CCSER1: variants seen among roughly 807,000 people sequenced by gnomAD.
CCSER1 encodes coiled-coil serine rich protein 1.
A neutral mutation model predicts 82.0 loss-of-function variants in CCSER1; 41 were observed. The observed-to-expected ratio is 0.50, with a 90% CI of 0.39 to 0.65. The LOEUF is 0.65. Among genes scored for constraint, CCSER1 ranks in the 30% least tolerant of loss-of-function variants. CCSER1 has a pLI of 0.00. For synonymous variants in CCSER1, 414 were observed against 383.9 expected, an observed-to-expected ratio of 1.08 and a Z score of -0.92; for missense variants, 1,119 against 1,064.2, an observed-to-expected ratio of 1.05 and a Z score of -0.72.
At chr4:90,823,860 A>T (rs1379102668) in intron 8 of CCSER1, among the ~76,000 whole-genome samples, 1 of 151,864 alleles carries the variant, frequency 6.6e-6, no homozygotes, top group Non-Finnish European at 1.5e-5. Context: ...CTCTTTTTTT[A>T]TTAAACAAAT....
chr4:90,275,056 C>A (rs1256080348), intron 1 of CCSER1, among the ~76,000 whole-genome samples: 4 of 152,132 alleles, frequency 2.6e-5, no homozygotes, highest in Non-Finnish European at 4.4e-5. Context: ...CCATTGTAAT[C>A]TCTTTCTAAC....
At chr4:90,329,491 C>T (rs1409893231) in intron 3 of CCSER1, among the ~76,000 whole-genome samples, 2 of 152,212 alleles carry the variant, frequency 1.3e-5, no homozygotes, top group South Asian at 4.1e-4. Context: ...AAGTCAAACT[C>T]ACATTTAGGG....
At chr4:91,203,455 G>GA (rs1365260195) in intron 10 of CCSER1, among the ~76,000 whole-genome samples, 3 of 151,270 alleles carry the variant, frequency 2.0e-5, no homozygotes, top group Admixed American at 6.6e-5. Flanking sequence ...ACTATAGCAA[G>GA]AAAAAAAATG....
chr4:90,641,809 C>A, intron 6 of CCSER1: 1 of 189,438 alleles, frequency 5.3e-6, no homozygotes, highest in Non-Finnish European at 1.1e-5. Context: ...CGAACTGCAA[C>A]CCACAGTTTT....
At chr4:91,536,765 C>G (rs1294031791) in intron 10 of CCSER1, among the ~76,000 whole-genome samples, 1 of 152,034 alleles carries the variant, frequency 6.6e-6, no homozygotes, top group East Asian at 1.9e-4. Context: ...TTAAACAATC[C>G]CCACTGTTAT....
intron 10 of CCSER1, among the ~76,000 whole-genome samples, chr4:91,287,717 G>C (rs1282198550): frequency 6.6e-6 from 1 of 151,886 alleles, no homozygotes; most frequent in East Asian, 1.9e-4. Context: ...TCAGAAGGTA[G>C]GCTTCAGTCA....
chr4:91,003,874 C>T (rs1259318997), intron 9 of CCSER1, among the ~76,000 whole-genome samples: 1 of 152,170 alleles, frequency 6.6e-6, no homozygotes, highest in African/African-American at 2.4e-5. Context: ...TGCTAGGGGA[C>T]CCAGCAAGCC....
At chr4:90,317,992 A>G (rs1331020005) in intron 3 of CCSER1, among the ~76,000 whole-genome samples, 1 of 152,188 alleles carries the variant, frequency 6.6e-6, no homozygotes, top group African/African-American at 2.4e-5. Context: ...TTTGGTGAAC[A>G]CTTAATGACT....
chr4:91,009,511 A>G (rs1050361403), intron 9 of CCSER1, among the ~76,000 whole-genome samples: 1 of 152,210 alleles, frequency 6.6e-6, no homozygotes, highest in Non-Finnish European at 1.5e-5. Context: ...TAAGAAATCC[A>G]GCTAGTCCTG....
intron 10 of CCSER1, among the ~76,000 whole-genome samples, chr4:91,135,987 G>A (rs1316798585): frequency 1.3e-5 from 2 of 152,150 alleles, no homozygotes; most frequent in East Asian, 3.9e-4. Context: ...TGCCAGACAT[G>A]AAAATTTTAT....
intron 1 of CCSER1, among the ~76,000 whole-genome samples, chr4:90,207,647 C>T (rs576203613): frequency 6.6e-4 from 100 of 152,228 alleles, no homozygotes; most frequent in Non-Finnish European, 4.4e-5. Flanking sequence ...TACCTTTGGT[C>T]TTTGATGTTG....
chr4:91,459,885 T>C (rs1016997040), intron 10 of CCSER1, among the ~76,000 whole-genome samples: 1 of 152,152 alleles, frequency 6.6e-6, no homozygotes, highest in African/African-American at 2.4e-5. Flanking sequence ...ATAATAACTT[T>C]CCTATGATGA....
At position 91,110,441 on chromosome 4, in the gene CCSER1, T is replaced by C. The variant is rs1365814690; in HGVS notation, c.2217+24447T>C. Among the ~76,000 whole-genome samples, 3 of 152,046 alleles carry C rather than the reference T, an allele frequency of 2.0e-5. No individual in the cohort carries two copies. In the East Asian group the frequency reaches 5.8e-4, roughly 29 times the overall value. ...TTTAAATACTGTTGTTTCTGTTACT[T>C]CACTTTGAATTAATAAGACAGTAGA... On this transcript the variant is annotated intron_variant, in intron 10 of 10. Transcript: ENST00000509176.
At chr4:90,371,630 A>T (rs1357721185) in intron 3 of CCSER1, among the ~76,000 whole-genome samples, 1 of 152,218 alleles carries the variant, frequency 6.6e-6, no homozygotes, top group Non-Finnish European at 1.5e-5. Flanking sequence ...CATCATAATT[A>T]GGAATAATTT....
intron 5 of CCSER1, among the ~76,000 whole-genome samples, chr4:90,529,611 A>T (rs911239249): frequency 2.0e-5 from 3 of 152,186 alleles, no homozygotes; most frequent in Non-Finnish European, 4.4e-5. Context: ...CTAATAATTT[A>T]ATCACTTAAG....
intron 5 of CCSER1, among the ~76,000 whole-genome samples, chr4:90,554,176 A>G (rs116645062): frequency 0.037 from 5,699 of 152,150 alleles, 350 homozygotes; most frequent in African/African-American, 0.13. Context: ...CCTGGGCAAC[A>G]TAGAAAGACT....
At chr4:90,371,780 C>G (rs1479952297) in intron 3 of CCSER1, among the ~76,000 whole-genome samples, 2 of 152,082 alleles carry the variant, frequency 1.3e-5, no homozygotes, top group Non-Finnish European at 2.9e-5. Context: ...TAAGAATTTC[C>G]TTGCTAATAA....
chr4:90,405,199 A>G (rs1377534168), intron 4 of CCSER1, among the ~76,000 whole-genome samples: 1 of 152,116 alleles, frequency 6.6e-6, no homozygotes, highest in African/African-American at 2.4e-5. Context: ...TGAAGGACAC[A>G]CAGAAATGCA....
intron 10 of CCSER1, among the ~76,000 whole-genome samples, chr4:91,312,356 G>A (rs1314003141): frequency 6.6e-6 from 1 of 151,608 alleles, no homozygotes; most frequent in East Asian, 2.0e-4. Context: ...AGAGTGATGA[G>A]ACATGTATTA....
Sources: allele counts gnomAD v4.1 joint callset (sites outside exome capture counted in the v4.1 genomes callset), GRCh38; gene constraint gnomAD v4.1.1; transcripts MANE v1.5; gene names NCBI Gene and HGNC (gene_info 2026-07-23, HGNC 2026-07-21).